NPLOC4: variants seen among roughly 807,000 people sequenced by gnomAD.
NPLOC4 encodes the protein NPL4 homolog, ubiquitin recognition factor.
A neutral mutation model predicts 80.6 loss-of-function variants in NPLOC4; 18 were observed. The observed-to-expected ratio is 0.22, with a 90% CI of 0.15 to 0.33. The LOEUF (loss-of-function observed/expected upper bound fraction) is 0.33, where lower values mean the gene tolerates loss of function less well. Among genes scored for constraint, NPLOC4 ranks in the 10% least tolerant of loss-of-function variants. NPLOC4 has a pLI of 1.00. For synonymous variants in NPLOC4, 313 were observed against 301.5 expected (o/e 1.04, Z -0.39); for missense variants, 540 against 786.1 (o/e 0.69, Z 3.74).
chr17:81,618,400 G>C (rs1411079188), intron 3 of NPLOC4, among the ~76,000 whole-genome samples: 1 of 151,646 alleles, frequency 6.6e-6, no homozygotes, highest in Non-Finnish European at 1.5e-5. Flanking sequence ...CGTCTGAGAA[G>C]TGAGGAGCCC....
intron 2 of NPLOC4, 72 bp downstream of exon 2, chr17:81,629,653 G>C (rs2035881868): frequency 8.8e-7 from 1 of 1,137,866 alleles, no homozygotes; most frequent in African/African-American, 1.5e-5. Context: ...GAGGAAAAGA[G>C]AAAAGGTATC....
chr17:81,604,976 C>G (rs1420664224), intron 7 of NPLOC4, among the ~76,000 whole-genome samples: 1 of 151,966 alleles, frequency 6.6e-6, no homozygotes, highest in East Asian at 1.9e-4. Context: ...AAATAAACAT[C>G]TGGGCTGGGC....
chr17:81,625,851 A>C (rs1330823511), intron 2 of NPLOC4, among the ~76,000 whole-genome samples: 1 of 152,046 alleles, frequency 6.6e-6, no homozygotes, highest in Non-Finnish European at 1.5e-5. Flanking sequence ...AATGCTCCTC[A>C]CTAGAAAAAA....
intron 12 of NPLOC4, among the ~76,000 whole-genome samples, chr17:81,582,868 C>T (rs1457808305): frequency 6.6e-6 from 1 of 152,276 alleles, no homozygotes; most frequent in Non-Finnish European, 1.5e-5. Flanking sequence ...TAAAGCTCCA[C>T]AGCTGCAGGC....
chr17:81,636,099 A>G (rs2036064048), intron 1 of NPLOC4, among the ~76,000 whole-genome samples: 1 of 151,884 alleles, frequency 6.6e-6, no homozygotes, highest in African/African-American at 2.4e-5. Context: ...CAGCCTCCCA[A>G]GTATCTGGGA....
At chr17:81,582,223 C>G (rs1364051992) in intron 12 of NPLOC4, among the ~76,000 whole-genome samples, 1 of 152,142 alleles carries the variant, frequency 6.6e-6, no homozygotes, top group Non-Finnish European at 1.5e-5. Flanking sequence ...CCAGGAGGGC[C>G]GTGAGGTAAG....
At position 81,557,188 on chromosome 17, in the gene NPLOC4, G is replaced by C. The variant is rs1340146810; in HGVS notation, c.*2071C>G. The C allele has an allele frequency of 6.6e-6, 1 of 152,298 alleles. No individual in the cohort carries two copies. The highest frequency in any genetic ancestry group is 1.5e-5 in the Non-Finnish European group (1 of 68,084). The allele number at this position is 152,298 out of a possible 1,614,324, so 9.4% of individuals were successfully genotyped here. ...AGGTGAAGATGCGAGGTGGGGCTGA[G>C]ACCTCCTTCCCACAAGAGGAGGTGG... is the stretch of plus-strand genomic sequence containing the variant. On this transcript the variant is annotated 3_prime_UTR_variant, in exon 17 of 17. Transcript: ENST00000331134.
intron 8 of NPLOC4, among the ~76,000 whole-genome samples, chr17:81,603,167 C>T (rs773329716): frequency 1.1e-4 from 17 of 152,016 alleles, no homozygotes; most frequent in Middle Eastern, 3.4e-3. Context: ...CAGAGTGAGA[C>T]GCTGTCTCAA....
At chr17:81,609,062 G>C (rs2035277622) in intron 5 of NPLOC4, 1 of 404,716 alleles carries the variant, frequency 2.5e-6, no homozygotes, top group Non-Finnish European at 4.5e-6. Context: ...GCCCAGGCTG[G>C]AGTGCAGTGG....
chr17:81,614,130 A>T (rs1351088547), intron 3 of NPLOC4, among the ~76,000 whole-genome samples: 2 of 151,766 alleles, frequency 1.3e-5, no homozygotes, highest in African/African-American at 4.8e-5. Context: ...CAAAAAGACT[A>T]GCTGGGCGTG....
chr17:81,615,529 A>T (rs1190050944), intron 3 of NPLOC4, among the ~76,000 whole-genome samples: 1 of 152,220 alleles, frequency 6.6e-6, no homozygotes, highest in East Asian at 1.9e-4. Context: ...AGCTCTAAAG[A>T]AAGTAGAGGA....
intron 1 of NPLOC4, among the ~76,000 whole-genome samples, chr17:81,633,605 A>T (rs1382199357): frequency 1.3e-5 from 2 of 152,220 alleles, no homozygotes; most frequent in Non-Finnish European, 2.9e-5. Flanking sequence ...ATGAACACAC[A>T]GCCTCTTGGT....
At chr17:81,628,119 G>A (rs979555067) in intron 2 of NPLOC4, among the ~76,000 whole-genome samples, 3 of 151,382 alleles carry the variant, frequency 2.0e-5, no homozygotes, top group South Asian at 2.1e-4. Flanking sequence ...GCTGAGGCAG[G>A]AGAGTGGCGT....
At chr17:81,625,992 T>C (rs991174686) in intron 2 of NPLOC4, among the ~76,000 whole-genome samples, 2 of 151,486 alleles carry the variant, frequency 1.3e-5, no homozygotes, top group African/African-American at 4.9e-5. Flanking sequence ...CTACTAAAAA[T>C]ACAAAAATTA....
At position 81,567,678 on chromosome 17, in the gene NPLOC4, C is replaced by A; in HGVS notation, c.1450-145G>T. The A allele has an allele frequency of 1.6e-6, 1 of 613,832 alleles. No individual in the cohort carries two copies. The allele number at this position is 613,832 out of a possible 1,614,324, so 38.0% of individuals were successfully genotyped here. On this transcript the variant is annotated intron_variant, in intron 14 of 16. Coordinates refer to ENST00000331134, the MANE Select transcript of NPLOC4 (RefSeq NM_017921.4). The surrounding 1 kb of genome is among the most constrained non-coding windows in gnomAD (Gnocchi z 4.5). Reference sequence around the variant, plus strand: ...CTGCCTCTGCAACCACGAACAGGGTCCAAGAAAGAGGAGCAGGCAGCTGCA... The same window carrying A: ...CTGCCTCTGCAACCACGAACAGGGTACAAGAAAGAGGAGCAGGCAGCTGCA...
intron 8 of NPLOC4, among the ~76,000 whole-genome samples, chr17:81,602,724 AT>A (rs1180085634): frequency 2.0e-5 from 3 of 147,680 alleles, no homozygotes; most frequent in Admixed American, 6.9e-5. Context: ...AAAAAAAAAA[AT>A]CAAACTTCAG....
intron 13 of NPLOC4, among the ~76,000 whole-genome samples, chr17:81,570,269 C>T (rs999919711): frequency 3.9e-5 from 6 of 152,262 alleles, no homozygotes; most frequent in Admixed American, 3.9e-4. Flanking sequence ...CCTCACTTTA[C>T]TCTTCCTCAG....
intron 5 of NPLOC4, 96 bp downstream of exon 5, chr17:81,610,114 A>T: frequency 8.9e-7 from 1 of 1,117,642 alleles, no homozygotes; most frequent in Non-Finnish European, 1.3e-6. Context: ...ACCACTCACT[A>T]CAGCCAAGTG....
At chr17:81,583,765 A>G (rs1433339565) in intron 12 of NPLOC4, among the ~76,000 whole-genome samples, 6 of 152,298 alleles carry the variant, frequency 3.9e-5, no homozygotes, top group Non-Finnish European at 7.3e-5. Context: ...GCAAAGCTGT[A>G]GACTCTCCTC....
Sources: gnomAD v4.1 joint callset for allele counts (sites outside exome capture counted in the v4.1 genomes callset) on GRCh38, gnomAD v4.1.1 for gene constraint, Gnocchi (gnomAD v3.1) non-coding constraint, MANE v1.5 for transcripts, NCBI Gene and HGNC (gene_info 2026-07-23, HGNC 2026-07-21) for gene names.